The following LOC112694756 variants were observed in gnomAD, a reference collection of about 807,000 sequenced individuals.
At chr16:30,067,219 G>C in the LOC112694756 span, 1 of 1,612,160 alleles carries the variant, frequency 6.2e-7, no homozygotes, top group Non-Finnish European at 8.5e-7. Flanking sequence ...CTTCCCCTCT[G>C]TTTCCTGTAT....
chr16:30,065,548 G>GT, the LOC112694756 span: 1 of 152,336 alleles, frequency 6.6e-6, no homozygotes, highest in Non-Finnish European at 1.5e-5. Flanking sequence ...CGACCCGCGG[G>GT]ATGTGGTCCG....
chr16:30,066,496 G>A, the LOC112694756 span, among the ~76,000 whole-genome samples: 1 of 152,270 alleles, frequency 6.6e-6, no homozygotes, highest in African/African-American at 2.4e-5. Context: ...CGTAGGAACA[G>A]TGACGATGGC....
At chr16:30,060,393 C>T in the LOC112694756 span, among the ~76,000 whole-genome samples, 5 of 152,034 alleles carry the variant, frequency 3.3e-5, no homozygotes, top group African/African-American at 4.8e-5. Flanking sequence ...ACCATCTATA[C>T]GATGATGGCT....
At chr16:30,057,275 A>G in the LOC112694756 span, among the ~76,000 whole-genome samples, 1 of 152,114 alleles carries the variant, frequency 6.6e-6, no homozygotes, top group African/African-American at 2.4e-5. Context: ...GTGTAGACAC[A>G]TAAGGGTTAC....
the LOC112694756 span, among the ~76,000 whole-genome samples, chr16:30,062,031 T>C: frequency 2.0e-5 from 3 of 151,134 alleles, no homozygotes; most frequent in Non-Finnish European, 4.4e-5. Context: ...GGTGAAACCC[T>C]GTCTCTACTA....
At chr16:30,060,991 C>T in the LOC112694756 span, among the ~76,000 whole-genome samples, 1 of 152,234 alleles carries the variant, frequency 6.6e-6, no homozygotes, top group Non-Finnish European at 1.5e-5. Context: ...AAGGTCATTC[C>T]CCTATTCCTG....
the LOC112694756 span, chr16:30,066,825 C>G: frequency 6.6e-7 from 1 of 1,505,648 alleles, no homozygotes; most frequent in Non-Finnish European, 9.0e-7. Flanking sequence ...GGGTGTTGGG[C>G]CCTCTGCTTG....
chr16:30,056,373 C>T, the LOC112694756 span, among the ~76,000 whole-genome samples: 1 of 152,018 alleles, frequency 6.6e-6, no homozygotes, highest in Non-Finnish European at 1.5e-5. Context: ...TTTTTTAAAA[C>T]CTATATGTTT....
the LOC112694756 span, among the ~76,000 whole-genome samples, chr16:30,055,651 G>A: frequency 6.6e-6 from 1 of 152,144 alleles, no homozygotes; most frequent in Non-Finnish European, 1.5e-5. Context: ...GCTCCTTTCC[G>A]TTCACCGAAT....
chr16:30,070,213 G>T, the LOC112694756 span: 1 of 1,614,106 alleles, frequency 6.2e-7, no homozygotes. Flanking sequence ...CGCCTATTAA[G>T]CGGAGGTGTT....
the LOC112694756 span, chr16:30,067,875 G>A: frequency 3.2e-6 from 2 of 632,934 alleles, no homozygotes; most frequent in South Asian, 1.9e-5. Context: ...AGAAGCTCAG[G>A]GAAGTGAAGT....
chr16:30,068,648 AGACAAGGGCGTGGTCCCCCTGGCAGG>A, the LOC112694756 span: 1 of 1,614,186 alleles, frequency 6.2e-7, no homozygotes, highest in Non-Finnish European at 8.5e-7. Context: ...CCCAACAGGT[AGACAAGGGCGTGGTCCCCCTGGCAGG>A]GACAAATGGC....
chr16:30,065,433 C>G, the LOC112694756 span, among the ~76,000 whole-genome samples: 1 of 152,224 alleles, frequency 6.6e-6, no homozygotes, highest in Non-Finnish European at 1.5e-5. Context: ...CATCCGCGTC[C>G]TCCACTTCCC....
the LOC112694756 span, chr16:30,069,180 T>C: frequency 1.5e-6 from 2 of 1,357,948 alleles, no homozygotes; most frequent in African/African-American, 1.4e-5. Flanking sequence ...TCTCCTGTAA[T>C]CTGAGGGCTT....
At chr16:30,069,383 C>T in the LOC112694756 span, 23 of 1,614,012 alleles carry the variant, frequency 1.4e-5, no homozygotes, top group East Asian at 1.6e-4. Context: ...AGTATGTGAC[C>T]GAGAAGGTAA....
chr16:30,059,011 T>C, the LOC112694756 span: 4 of 398,506 alleles, frequency 1.0e-5, no homozygotes, highest in East Asian at 1.1e-4. Flanking sequence ...AATGACGTGC[T>C]ATGGAGCAGC....
At chr16:30,060,289 T>C in the LOC112694756 span, among the ~76,000 whole-genome samples, 19 of 152,312 alleles carry the variant, frequency 1.2e-4, no homozygotes, top group Admixed American at 9.8e-4. Context: ...TTAGGTGTTA[T>C]ATTCCTATAA....
the LOC112694756 span, among the ~76,000 whole-genome samples, chr16:30,060,602 G>A: frequency 6.6e-6 from 1 of 152,124 alleles, no homozygotes; most frequent in African/African-American, 2.4e-5. Flanking sequence ...ACCCTTCCAA[G>A]GGAGAGAGCC....
At chr16:30,067,465 G>C in the LOC112694756 span, 5 of 1,613,132 alleles carry the variant, frequency 3.1e-6, no homozygotes, top group Admixed American at 5.0e-5. Flanking sequence ...ATTGCCAAGC[G>C]GCTGCAGTCC....
Sources: allele counts gnomAD v4.1 joint callset (sites outside exome capture counted in the v4.1 genomes callset), GRCh38; gene constraint gnomAD v4.1.1; transcripts MANE v1.5.